Variants in FHIP1A observed in about 807,000 individuals in gnomAD.
FHIP1A encodes FHF complex subunit HOOK-interacting protein 1A.
FHIP1A carries 61 observed loss-of-function variants against 88.6 expected under a neutral mutation model. That is an observed-to-expected ratio of 0.69 (90% CI 0.56 to 0.85). The LOEUF (loss-of-function observed/expected upper bound fraction) is 0.85. FHIP1A is among the 40% of genes least tolerant of loss of function. FHIP1A has a pLI of 0.00. For missense variants in FHIP1A, 1,154 were observed against 1,273.5 expected, an observed-to-expected ratio of 0.91 and a Z score of 1.43; for synonymous variants, 478 against 496.0, an observed-to-expected ratio of 0.96 and a Z score of 0.48.
At chr4:151,655,989 A>G (rs2126922745) in intron 11 of FHIP1A, among the ~76,000 whole-genome samples, 1 of 152,272 alleles carries the variant, frequency 6.6e-6, no homozygotes. Context: ...ATAAGTATCA[A>G]AACTGCTCAT....
intron 6 of FHIP1A, among the ~76,000 whole-genome samples, chr4:151,587,966 G>A (rs4696271): frequency 0.29 from 43,296 of 151,772 alleles, 6,408 homozygotes; most frequent in Non-Finnish European, 0.33. Context: ...TCAGTAATTT[G>A]AAGATCTAGC....
chr4:151,425,190 A>G (rs752709554), intron 1 of FHIP1A, among the ~76,000 whole-genome samples: 22 of 152,220 alleles, frequency 1.4e-4, no homozygotes, highest in Admixed American at 3.3e-4. Context: ...ATTCTGATCA[A>G]TCCTTTAGAT....
At chr4:151,512,028 A>C (rs1318919531) in intron 3 of FHIP1A, among the ~76,000 whole-genome samples, 1 of 152,198 alleles carries the variant, frequency 6.6e-6, no homozygotes, top group Non-Finnish European at 1.5e-5. Context: ...CCTAACTGGG[A>C]GGCACCCCCT....
At chr4:151,446,756 A>G (rs2126571985) in intron 1 of FHIP1A, among the ~76,000 whole-genome samples, 1 of 152,050 alleles carries the variant, frequency 6.6e-6, no homozygotes, top group East Asian at 1.9e-4. Context: ...TGTTTTCCTT[A>G]GAGTGCACAC....
At chr4:151,478,378 C>G (rs1292107669) in intron 2 of FHIP1A, among the ~76,000 whole-genome samples, 1 of 152,146 alleles carries the variant, frequency 6.6e-6, no homozygotes, top group East Asian at 1.9e-4. Flanking sequence ...ACATGTAGCA[C>G]ATGCCTTGCT....
intron 7 of FHIP1A, among the ~76,000 whole-genome samples, chr4:151,628,684 GGTGGAGGGATTGCTAAGATTTCTAGGGT>G (rs1262771711): frequency 2.6e-5 from 4 of 152,172 alleles, no homozygotes; most frequent in African/African-American, 9.7e-5. Flanking sequence ...TTTGACTCAT[GGTGGAGGGATTGCTAAGATTTCTAGGGT>G]GTGTGGTATT....
At chr4:151,588,335 G>A (rs1300105390) in intron 6 of FHIP1A, among the ~76,000 whole-genome samples, 1 of 151,858 alleles carries the variant, frequency 6.6e-6, no homozygotes, top group African/African-American at 2.4e-5. Flanking sequence ...ATGACTATCA[G>A]GAAATACATA....
At chr4:151,591,238 A>T (rs1734415625) in intron 7 of FHIP1A, among the ~76,000 whole-genome samples, 1 of 152,014 alleles carries the variant, frequency 6.6e-6, no homozygotes, top group Non-Finnish European at 1.5e-5. Flanking sequence ...AGGAAATCAG[A>T]AGCACATGAA....
intron 2 of FHIP1A, among the ~76,000 whole-genome samples, chr4:151,457,105 T>C (rs952006864): frequency 1.3e-5 from 2 of 152,210 alleles, no homozygotes; most frequent in Non-Finnish European, 2.9e-5. Flanking sequence ...ATCTCTGTAA[T>C]AGGTAAATAT....
chr4:151,434,991 A>G (rs1357984332), intron 1 of FHIP1A, among the ~76,000 whole-genome samples: 1 of 152,158 alleles, frequency 6.6e-6, no homozygotes, highest in Non-Finnish European at 1.5e-5. Flanking sequence ...TTGATATGTA[A>G]TAGTTTTAGG....
Position 151,649,548 on chromosome 4 carries a change from T to C in FHIP1A, c.1507T>C (p.Tyr503His). The C allele has an allele frequency of 6.4e-7, 1 of 1,551,644 alleles. No homozygotes were observed. The highest frequency in any genetic ancestry group is 8.7e-7 in the Non-Finnish European group (1 of 1,146,950). ...AGCCCTGGACATCAGCTACCTGCAG[T>C]ACCTGTGGGAGGCCCACACCAACAT... ...GKALDISYLQYLWEAHTNILR... is the reference protein window; with the variant it reads ...GKALDISYLQHLWEAHTNILR... Residue 503 changes from tyrosine to histidine, a missense_variant, in exon 11 of 14, where the codon TAC becomes CAC. Physicochemically the swap from Tyr to His is moderately conservative, Grantham distance 83. Transcript: ENST00000435205.
At chr4:151,517,619 C>T (rs1387392640) in intron 3 of FHIP1A, among the ~76,000 whole-genome samples, 1 of 152,068 alleles carries the variant, frequency 6.6e-6, no homozygotes, top group Non-Finnish European at 1.5e-5. Flanking sequence ...TATTCATGCA[C>T]TGCATAAAGA....
chr4:151,518,656 TCCCTC>T, intron 3 of FHIP1A, among the ~76,000 whole-genome samples: 1 of 26,354 alleles, frequency 3.8e-5, no homozygotes, highest in African/African-American at 1.5e-4. Flanking sequence ...CCTCCCTCCC[TCCCTC>T]CCTTCCTTCT....
chr4:151,657,509 A>G (rs978394111), intron 13 of FHIP1A, among the ~76,000 whole-genome samples: 22 of 152,008 alleles, frequency 1.4e-4, no homozygotes, highest in Non-Finnish European at 4.4e-5. Flanking sequence ...GGTCGGTGCT[A>G]GTAGGAGCGC....
intron 4 of FHIP1A, among the ~76,000 whole-genome samples, chr4:151,570,022 G>T (rs1423025426): frequency 6.6e-6 from 1 of 152,186 alleles, no homozygotes; most frequent in Non-Finnish European, 1.5e-5. Flanking sequence ...GCCATTTTAT[G>T]CTATAAGTTG....
intron 3 of FHIP1A, among the ~76,000 whole-genome samples, chr4:151,518,397 G>GT (rs1204013120): frequency 2.6e-5 from 4 of 152,082 alleles, no homozygotes; most frequent in African/African-American, 9.7e-5. Context: ...ACAAAATCAT[G>GT]TAAGGATGCG....
At chr4:151,629,618 T>TGGTGAGGCTGGGGGCCACG in intron 7 of FHIP1A, 84 bp from the exon 8 acceptor site, 1 of 1,224,900 alleles carries the variant, frequency 8.2e-7, no homozygotes, top group Non-Finnish European at 1.1e-6. Flanking sequence ...GATGTCACTG[T>TGGTGAGGCTGGGGGCCACG]GGTGAGGCTG....
intron 7 of FHIP1A, among the ~76,000 whole-genome samples, chr4:151,605,277 G>C (rs1380515500): frequency 6.6e-6 from 1 of 152,202 alleles, no homozygotes; most frequent in Admixed American, 6.5e-5. Context: ...TTTTTAAAAA[G>C]AGATTGTTAC....
chr4:151,639,819 G>T (rs368711631), intron 9 of FHIP1A, among the ~76,000 whole-genome samples: 3 of 152,268 alleles, frequency 2.0e-5, no homozygotes, highest in South Asian at 2.1e-4. Flanking sequence ...TCCAGCATGC[G>T]CTCCCTGCTC....
Sources: gnomAD v4.1 joint callset for allele counts (sites outside exome capture counted in the v4.1 genomes callset) on GRCh38, gnomAD v4.1.1 for gene constraint, MANE v1.5 for transcripts, NCBI Gene and HGNC (gene_info 2026-07-23, HGNC 2026-07-21) for gene names.